RIMS2: variants seen among roughly 807,000 people sequenced by gnomAD.
RIMS2 encodes the protein regulating synaptic membrane exocytosis protein 2.
RIMS2 carries 59 observed loss-of-function variants against 174.4 expected under a neutral mutation model. The ratio of observed to expected loss-of-function variants is 0.34; its 90% confidence interval spans 0.27 to 0.42. The LOEUF (loss-of-function observed/expected upper bound fraction) is 0.42. Ranked by LOEUF, RIMS2 falls within the 10% of genes least tolerant of loss-of-function variation. RIMS2 has a pLI of 1.00. For missense variants in RIMS2, 1,620 were observed against 1,666.3 expected, an observed-to-expected ratio of 0.97 and a Z score of 0.48; for synonymous variants, 606 against 572.5, an observed-to-expected ratio of 1.06 and a Z score of -0.84.
rs911522015 is a variant in RIMS2 at position 104,130,301 on chromosome 8, G to C, written c.3335-114615G>C. On this transcript the variant is annotated intron_variant, in intron 19 of 23. Coordinates refer to ENST00000504942, the Ensembl canonical transcript of RIMS2. ...ACTAGGTTCATGTAATGATCTGGGTGAACCTGTACACCGAGCAGTCCTGCT... is the reference window on the plus strand; with the variant it reads ...ACTAGGTTCATGTAATGATCTGGGTCAACCTGTACACCGAGCAGTCCTGCT... Among the ~76,000 whole-genome samples, 4 of 152,200 alleles carry C rather than the reference G, an allele frequency of 2.6e-5. No homozygotes were observed. In the East Asian group the frequency reaches 7.7e-4, roughly 29 times the overall value.
At chr8:104,067,283 G>T (rs1313624838) in intron 19 of RIMS2, among the ~76,000 whole-genome samples, 2 of 152,088 alleles carry the variant, frequency 1.3e-5, no homozygotes, top group Non-Finnish European at 2.9e-5. Context: ...ATATCCAGTT[G>T]AGTTCACTAA....
At chr8:103,555,078 G>T (rs1024653133) in intron 1 of RIMS2, among the ~76,000 whole-genome samples, 2 of 152,126 alleles carry the variant, frequency 1.3e-5, no homozygotes, top group Non-Finnish European at 2.9e-5. Flanking sequence ...TACCTATCAT[G>T]TACTGTGCTT....
chr8:103,765,460 A>G (rs1345197078), intron 2 of RIMS2, among the ~76,000 whole-genome samples: 1 of 152,194 alleles, frequency 6.6e-6, no homozygotes, highest in Non-Finnish European at 1.5e-5. Flanking sequence ...CAATGTGAAT[A>G]TACTTACTGC....
At chr8:104,096,869 C>T (rs1021808838) in intron 19 of RIMS2, among the ~76,000 whole-genome samples, 8 of 141,670 alleles carry the variant, frequency 5.6e-5, no homozygotes, top group African/African-American at 2.2e-4. Context: ...TCCATCCGCC[C>T]CCCACCAAAA....
chr8:104,254,888 A>G (rs930947451), downstream of RIMS2: 1 of 152,036 alleles, frequency 6.6e-6, no homozygotes, highest in Non-Finnish European at 1.5e-5. Flanking sequence ...TGTTTTCGGG[A>G]TGGGGAGACG....
At chr8:103,843,993 T>C (rs956807600) in intron 3 of RIMS2, among the ~76,000 whole-genome samples, 3 of 152,166 alleles carry the variant, frequency 2.0e-5, no homozygotes, top group Non-Finnish European at 4.4e-5. Context: ...TGATAGCAAA[T>C]AAGTCTCACG....
intron 2 of RIMS2, among the ~76,000 whole-genome samples, chr8:103,754,556 G>A (rs1470975213): frequency 6.6e-6 from 1 of 152,058 alleles, no homozygotes; most frequent in Non-Finnish European, 1.5e-5. Context: ...ATTATTGTGT[G>A]GGAGTCTAAG....
intron 1 of RIMS2, among the ~76,000 whole-genome samples, chr8:103,597,198 A>G (rs147312644): frequency 6.6e-6 from 1 of 152,310 alleles, no homozygotes; most frequent in African/African-American, 2.4e-5. Context: ...AGAGCATAAT[A>G]GATAATGACC....
intron 3 of RIMS2, among the ~76,000 whole-genome samples, chr8:103,881,931 C>A (rs551385234): frequency 6.6e-6 from 1 of 151,120 alleles, no homozygotes; most frequent in Non-Finnish European, 1.5e-5. Flanking sequence ...TAATAGAATG[C>A]GTAGGAGTAA....
chr8:103,925,081 T>C (rs1292157728), intron 10 of RIMS2, among the ~76,000 whole-genome samples: 1 of 151,608 alleles, frequency 6.6e-6, no homozygotes, highest in Non-Finnish European at 1.5e-5. Context: ...TTTAATTAGT[T>C]TGTAGTCTTT....
In RIMS2 at chr8:104,161,963, C is replaced by T. The variant is rs532312002; in HGVS notation, c.3335-82953C>T. Among the ~76,000 whole-genome samples, 4 of 152,342 alleles carry T rather than the reference C, an allele frequency of 2.6e-5. No individual in the cohort carries two copies. In the South Asian group the frequency reaches 6.2e-4, roughly 24 times the overall value. ...TAATCTCTCTGACTATCCATTCTCCCTTATCCCTTCTGCCTTCCAGTCAGA... is the reference window on the plus strand; with the variant it reads ...TAATCTCTCTGACTATCCATTCTCCTTTATCCCTTCTGCCTTCCAGTCAGA... On this transcript the variant is annotated intron_variant, in intron 19 of 23. Coordinates refer to ENST00000504942, the Ensembl canonical transcript of RIMS2.
intron 1 of RIMS2, among the ~76,000 whole-genome samples, chr8:103,526,022 T>C (rs1426191399): frequency 6.6e-6 from 1 of 152,236 alleles, no homozygotes. Context: ...CTCTTTCTAC[T>C]ATGGGAATCT....
At chr8:103,885,454 T>C (rs768762604) in exon 4 of RIMS2, 1 of 1,612,756 alleles carries the variant, frequency 6.2e-7, no homozygotes, top group East Asian at 2.2e-5. Context: ...CTCAGTTTTA[T>C]GAAGACTCTG....
intron 19 of RIMS2, among the ~76,000 whole-genome samples, chr8:104,150,137 C>T (rs1373772887): frequency 6.6e-6 from 1 of 152,058 alleles, no homozygotes; most frequent in Non-Finnish European, 1.5e-5. Flanking sequence ...AATAGAACTT[C>T]ATTGCATGTT....
Position 103,525,597 on chromosome 8 carries a change from C to G in RIMS2, c.176+24535C>G, listed in dbSNP as rs547036567. Among the ~76,000 whole-genome samples, 23 of 152,186 alleles carry G rather than the reference C, an allele frequency of 1.5e-4. No homozygotes were observed. The South Asian group carries it at 4.8e-3, about 32-fold the overall frequency. On this transcript the variant is annotated intron_variant, in intron 1 of 23. Coordinates refer to ENST00000504942, the Ensembl canonical transcript of RIMS2. Reference sequence around the variant, plus strand: ...CAAGACTATATTCAATAATTGAGGACTAGTTCTCAAAGAAAATTTGAGATA... The same window carrying G: ...CAAGACTATATTCAATAATTGAGGAGTAGTTCTCAAAGAAAATTTGAGATA...
intron 6 of RIMS2, among the ~76,000 whole-genome samples, chr8:103,913,358 C>T (rs1459500317): frequency 1.3e-5 from 2 of 151,842 alleles, no homozygotes; most frequent in South Asian, 4.2e-4. Flanking sequence ...GGAGGATTGC[C>T]AGGAGTTCGA....
chr8:103,805,828 T>G (rs1322331440), intron 3 of RIMS2, among the ~76,000 whole-genome samples: 3 of 152,118 alleles, frequency 2.0e-5, no homozygotes, highest in African/African-American at 7.2e-5. Context: ...CTTTAATCAC[T>G]TTAGTCTTCC....
At chr8:103,552,275 C>T (rs1053984990) in intron 1 of RIMS2, among the ~76,000 whole-genome samples, 1 of 152,070 alleles carries the variant, frequency 6.6e-6, no homozygotes. Context: ...TGGAACAGAA[C>T]AGAGCCCTCA....
chr8:103,624,668 T>C (rs2095735103), intron 1 of RIMS2, among the ~76,000 whole-genome samples: 1 of 152,200 alleles, frequency 6.6e-6, no homozygotes, highest in African/African-American at 2.4e-5. Flanking sequence ...TTTTATTCTA[T>C]TTAATACACA....
Sources: allele counts gnomAD v4.1 joint callset (sites outside exome capture counted in the v4.1 genomes callset), GRCh38; gene constraint gnomAD v4.1.1; transcripts MANE v1.5; gene names NCBI Gene and HGNC (gene_info 2026-07-23, HGNC 2026-07-21).